Variants in NCAM2 observed in about 807,000 individuals in gnomAD.
NCAM2 encodes N-CAM-2.
Under a neutral mutation model 98.1 loss-of-function variants are expected in NCAM2, and 30 were observed. The observed-to-expected ratio is 0.31, with a 90% CI of 0.23 to 0.41. The LOEUF (loss-of-function observed/expected upper bound fraction) is 0.41, where lower values mean the gene tolerates loss of function less well. Among genes scored for constraint, NCAM2 ranks in the 10% least tolerant of loss-of-function variants. The probability of loss-of-function intolerance (pLI) is 1.00; values close to 1 mark genes in which losing one functional copy is unlikely to be tolerated. For missense variants in NCAM2, 867 were observed against 1,005.8 expected (o/e 0.86, Z 1.87); for synonymous variants, 368 against 342.4 (o/e 1.07, Z -0.83).
chr21:21,001,485 G>A (rs2064018903), intron 1 of NCAM2, among the ~76,000 whole-genome samples: 1 of 152,144 alleles, frequency 6.6e-6, no homozygotes, highest in Non-Finnish European at 1.5e-5. Flanking sequence ...CACAGGCTTT[G>A]TAATCATAAA....
Position 21,286,282 on chromosome 21 carries a change from C to T in NCAM2, c.351C>T (p.Phe117=). The change falls in exon 4 of 18, where the codon TTC becomes TTT. Residue 117 remains phenylalanine (F), a synonymous_variant. Coordinates refer to ENST00000400546, the MANE Select transcript of NCAM2 (RefSeq NM_004540.5). ...VVLEIYQKLT[F]REVVSPQEFK... ...TTGTTGATACAGAAAAACTCACTTT[C>T]AGAGAAGTGGTATCTCCACAAGAAT... 1.2e-6 allele frequency: 2 copies of T among 1,603,730 alleles called. No individual in the cohort carries two copies. The highest frequency in any genetic ancestry group is 1.7e-6 in the Non-Finnish European group (2 of 1,174,264).
intron 15 of NCAM2, among the ~76,000 whole-genome samples, chr21:21,491,328 T>C (rs556327526): frequency 2.5e-4 from 38 of 151,894 alleles, no homozygotes; most frequent in African/African-American, 9.1e-4. Flanking sequence ...ATATAAAGAT[T>C]GTTAACTAGT....
intron 5 of NCAM2, among the ~76,000 whole-genome samples, chr21:21,309,799 T>G (rs2073989269): frequency 6.6e-6 from 1 of 152,048 alleles, no homozygotes; most frequent in Admixed American, 6.6e-5. Context: ...ATCTAGAAAC[T>G]CTCTCTAGAC....
intron 1 of NCAM2, among the ~76,000 whole-genome samples, chr21:21,015,385 A>T (rs2064286674): frequency 1.3e-5 from 2 of 152,080 alleles, no homozygotes; most frequent in Admixed American, 1.3e-4. Flanking sequence ...CCTTGAGCAA[A>T]CCCCTACCCT....
At chr21:21,029,019 C>T (rs111508344) in intron 1 of NCAM2, among the ~76,000 whole-genome samples, 1 of 151,968 alleles carries the variant, frequency 6.6e-6, no homozygotes, top group African/African-American at 2.4e-5. Context: ...CAAACAGAGC[C>T]GTTTTTAAAC....
chr21:21,307,539 C>G lies in NCAM2; in HGVS notation c.619+15298C>G, dbSNP rs529872295. On this transcript the variant is annotated intron_variant, in intron 5 of 17. Transcript: ENST00000400546. The stretch of plus-strand genomic sequence containing the variant: ...GCTCAGTATATTATAAGATCACGAT[C>G]CAGGGGTCAGCAAGACTATGATCTT... Among the ~76,000 whole-genome samples, 9 of 152,204 alleles carry G rather than the reference C, an allele frequency of 5.9e-5. No homozygotes were observed. The South Asian group carries it at 1.9e-3, about 32-fold the overall frequency.
At chr21:21,318,115 G>A (rs964748481) in intron 5 of NCAM2, among the ~76,000 whole-genome samples, 2 of 152,178 alleles carry the variant, frequency 1.3e-5, no homozygotes, top group African/African-American at 4.8e-5. Flanking sequence ...ACCCAAGAGA[G>A]TTTCTGAAAG....
At chr21:21,154,146 T>A (rs978856053) in intron 1 of NCAM2, among the ~76,000 whole-genome samples, 2 of 151,830 alleles carry the variant, frequency 1.3e-5, no homozygotes, top group Non-Finnish European at 2.9e-5. Context: ...GGGGATAGAA[T>A]AACAAGTTAG....
chr21:21,167,862 G>A (rs775259806), intron 1 of NCAM2, among the ~76,000 whole-genome samples: 24 of 152,046 alleles, frequency 1.6e-4, no homozygotes, highest in Non-Finnish European at 2.4e-4. Context: ...GTTCATGGGT[G>A]AATTATACCA....
At chr21:21,423,376 C>T (rs981230834) in intron 11 of NCAM2, among the ~76,000 whole-genome samples, 1 of 152,146 alleles carries the variant, frequency 6.6e-6, no homozygotes, top group Non-Finnish European at 1.5e-5. Context: ...AAGTACTCAA[C>T]AAATATTAGG....
At chr21:21,315,629 C>T (rs1014283710) in intron 5 of NCAM2, among the ~76,000 whole-genome samples, 2 of 152,152 alleles carry the variant, frequency 1.3e-5, no homozygotes, top group Non-Finnish European at 1.5e-5. Flanking sequence ...TTCCTGCTTC[C>T]TGAGTCTGAA....
At chr21:21,376,751 G>T (rs1451923751) in intron 9 of NCAM2, among the ~76,000 whole-genome samples, 1 of 151,710 alleles carries the variant, frequency 6.6e-6, no homozygotes, top group Non-Finnish European at 1.5e-5. Context: ...TTCTTTATAA[G>T]TTTAAATATT....
chr21:21,395,710 ATACT>A (rs1194082715), intron 9 of NCAM2, among the ~76,000 whole-genome samples: 1 of 152,168 alleles, frequency 6.6e-6, no homozygotes, highest in Non-Finnish European at 1.5e-5. Flanking sequence ...ACAAAGCCAA[ATACT>A]TACAGCCAAC....
chr21:21,517,345 A>G (rs1268209540), intron 16 of NCAM2, among the ~76,000 whole-genome samples: 1 of 152,212 alleles, frequency 6.6e-6, no homozygotes, highest in African/African-American at 2.4e-5. Flanking sequence ...ATAAATTACA[A>G]GCTCATTGAT....
rs184824611 is a variant in NCAM2 at position 21,021,518 on chromosome 21, A to G, written c.55+22900A>G. On this transcript the variant is annotated intron_variant, in intron 1 of 17. Transcript: ENST00000400546. Reference sequence around the variant, plus strand: ...GACATGTAAGAATGAAATAGAAACAAACAGTAGGAGATAAAATTGAGTCAA... The same window carrying G: ...GACATGTAAGAATGAAATAGAAACAGACAGTAGGAGATAAAATTGAGTCAA... Among the ~76,000 whole-genome samples, 256 of 152,284 alleles carry G rather than the reference A, an allele frequency of 1.7e-3. 1 individual carries two copies. Among genetic ancestry groups the G allele is most frequent in the African/African-American group, 6.0e-3 (248 of 41,564 alleles).
At chr21:21,482,850 T>G (rs1986013129) in intron 15 of NCAM2, among the ~76,000 whole-genome samples, 1 of 152,000 alleles carries the variant, frequency 6.6e-6, no homozygotes, top group African/African-American at 2.4e-5. Context: ...GTTTCCATAA[T>G]CAATCGTGTT....
chr21:21,477,373 T>C lies in NCAM2; in HGVS notation c.1979T>C (p.Met660Thr). 1 of 1,612,608 alleles carries C rather than the reference T, an allele frequency of 6.2e-7. No individual in the cohort carries two copies. The highest frequency in any genetic ancestry group is 1.7e-5 in the Admixed American group (1 of 59,992). ...HIILEHLQWT[M>T]GYEVQITAAN... The stretch of plus-strand genomic sequence containing the variant: ...ATTTTGGAGCATCTCCAGTGGACCA[T>C]GGGGTATGAAGTTCAGATTACAGCT... The change falls in exon 15 of 18, where the codon ATG becomes ACG. Residue 660 changes from methionine (M) to threonine (T), a missense_variant. Met to Thr is a moderately conservative substitution (Grantham distance 81, BLOSUM62 -1). This residue lies in a region of NCAM2 where 234 missense variants were observed against 333.8 expected (regional missense o/e 0.70). Transcript: ENST00000400546.
chr21:21,532,010 T>TTA lies in NCAM2; in HGVS notation c.2283-2517_2283-2516dup, dbSNP rs566732200. Among the ~76,000 whole-genome samples, 566 of 151,154 alleles carry TTA rather than the reference T, an allele frequency of 3.7e-3. 9 individuals carry two copies. Among genetic ancestry groups the TTA allele is most frequent in the East Asian group, 0.019 (100 of 5,160 alleles). On this transcript the variant is annotated intron_variant, in intron 16 of 17. Coordinates refer to ENST00000400546, the MANE Select transcript of NCAM2 (RefSeq NM_004540.5). ...TCCGTCTCAAAAAAAAAGAAAAATA[T>TTA]TATATATATATCTTACAATGGATAG...
chr21:21,245,343 A>G (rs1331115231), intron 1 of NCAM2, among the ~76,000 whole-genome samples: 1 of 152,142 alleles, frequency 6.6e-6, no homozygotes, highest in Admixed American at 6.5e-5. Flanking sequence ...TTCTATGTTC[A>G]TATGTGAGTG....
Sources: allele counts gnomAD v4.1 joint callset (sites outside exome capture counted in the v4.1 genomes callset), GRCh38; gene constraint gnomAD v4.1.1; regional missense constraint gnomAD v4.1.1; transcripts MANE v1.5; gene names NCBI Gene and HGNC (gene_info 2026-07-23, HGNC 2026-07-21).